Variants in IMMP2L observed in about 807,000 individuals in gnomAD.
The protein encoded by IMMP2L is inner mitochondrial membrane peptidase subunit 2.
Under a neutral mutation model 19.3 loss-of-function variants are expected in IMMP2L, and 18 were observed. The ratio of observed to expected loss-of-function variants is 0.93; its 90% CI spans 0.64 to 1.38. The LOEUF is 1.38. Ranked by LOEUF, IMMP2L falls within the 40% of genes most tolerant of loss-of-function variation. The probability of loss-of-function intolerance (pLI) is 0.00; values close to 1 mark genes in which losing one functional copy is unlikely to be tolerated. For missense variants in IMMP2L, 233 were observed against 218.2 expected (o/e 1.07, Z -0.43); for synonymous variants, 76 against 73.0 (o/e 1.04, Z -0.21).
intron 3 of IMMP2L, among the ~76,000 whole-genome samples, chr7:110,982,834 T>C (rs1485695354): frequency 6.6e-6 from 1 of 152,146 alleles, no homozygotes; most frequent in Non-Finnish European, 1.5e-5. Context: ...AGTGTGGAAA[T>C]GGTAGCTTGT....
intron 5 of IMMP2L, among the ~76,000 whole-genome samples, chr7:110,672,227 C>G (rs550825958): frequency 1.3e-5 from 2 of 152,068 alleles, no homozygotes; most frequent in East Asian, 3.9e-4. Flanking sequence ...AGCAGAAGTG[C>G]TGAGCAAAAG....
chr7:111,363,827 C>T (rs546208174), intron 3 of IMMP2L, among the ~76,000 whole-genome samples: 1 of 152,242 alleles, frequency 6.6e-6, no homozygotes, highest in South Asian at 2.1e-4. Context: ...CCATTTTCTC[C>T]TGTACTTACT....
chr7:111,068,308 T>C (rs1164590265), intron 3 of IMMP2L, among the ~76,000 whole-genome samples: 2 of 152,180 alleles, frequency 1.3e-5, no homozygotes, highest in African/African-American at 4.8e-5. Flanking sequence ...TTGTGAGAAA[T>C]AAATATTTCA....
intron 3 of IMMP2L, among the ~76,000 whole-genome samples, chr7:111,049,735 G>A (rs1394074231): frequency 1.3e-5 from 2 of 152,132 alleles, no homozygotes; most frequent in African/African-American, 4.8e-5. Flanking sequence ...AAATTCCAAA[G>A]CAAAGGCAAA....
intron 3 of IMMP2L, among the ~76,000 whole-genome samples, chr7:111,017,028 C>T (rs1481053636): frequency 7.4e-6 from 1 of 135,074 alleles, no homozygotes; most frequent in East Asian, 2.1e-4. Flanking sequence ...TCATTATACT[C>T]AACAGAACTT....
chr7:111,031,407 T>TGTGTGTGTGTGTGTGTGTGA (rs147571783), intron 3 of IMMP2L, among the ~76,000 whole-genome samples: 7 of 147,210 alleles, frequency 4.8e-5, no homozygotes, highest in Admixed American at 2.0e-4. Context: ...TGTGTGTGTG[T>TGTGTGTGTGTGTGTGTGTGA]GAGAGAAAGA....
At chr7:110,770,689 T>C (rs1254163366) in intron 5 of IMMP2L, among the ~76,000 whole-genome samples, 1 of 152,154 alleles carries the variant, frequency 6.6e-6, no homozygotes, top group Non-Finnish European at 1.5e-5. Context: ...TGTGTTCTTA[T>C]TTGGGCAACT....
At chr7:111,040,906 T>C (rs1791833137) in intron 3 of IMMP2L, among the ~76,000 whole-genome samples, 1 of 151,894 alleles carries the variant, frequency 6.6e-6, no homozygotes, top group South Asian at 2.1e-4. Flanking sequence ...ACATCACTTA[T>C]AAATTTATAA....
chr7:111,273,712 G>T (rs1393797917), intron 3 of IMMP2L, among the ~76,000 whole-genome samples: 1 of 152,032 alleles, frequency 6.6e-6, no homozygotes, highest in Admixed American at 6.6e-5. Flanking sequence ...AGAGGTTACG[G>T]TTAGGAACAT....
chr7:110,818,737 T>C (rs1376614743), intron 5 of IMMP2L, among the ~76,000 whole-genome samples: 1 of 151,774 alleles, frequency 6.6e-6, no homozygotes, highest in Admixed American at 6.6e-5. Context: ...TAGACTGGAT[T>C]AAGAAAATGT....
chr7:110,950,864 A>ATATATATG (rs1817751292), intron 4 of IMMP2L, among the ~76,000 whole-genome samples: 1 of 143,420 alleles, frequency 7.0e-6, no homozygotes, highest in Non-Finnish European at 1.5e-5. Context: ...ATATATATAT[A>ATATATATG]TATATATGTA....
At chr7:110,810,100 T>G (rs1349998870) in intron 5 of IMMP2L, among the ~76,000 whole-genome samples, 1 of 152,062 alleles carries the variant, frequency 6.6e-6, no homozygotes. Flanking sequence ...TCCATCTCGT[T>G]CCCAACTCTC....
At chr7:111,203,339 T>C (rs1810352695) in intron 3 of IMMP2L, among the ~76,000 whole-genome samples, 1 of 151,958 alleles carries the variant, frequency 6.6e-6, no homozygotes, top group African/African-American at 2.4e-5. Context: ...GGAGTTTTTA[T>C]TCTAATGAAG....
intron 2 of IMMP2L, among the ~76,000 whole-genome samples, chr7:111,505,788 G>T (rs1227149902): frequency 1.3e-5 from 2 of 152,016 alleles, no homozygotes; most frequent in Non-Finnish European, 2.9e-5. Flanking sequence ...CATGGACACA[G>T]GAAGGGGAAC....
At chr7:111,074,220 G>T (rs1795194874) in intron 3 of IMMP2L, among the ~76,000 whole-genome samples, 1 of 152,118 alleles carries the variant, frequency 6.6e-6, no homozygotes, top group African/African-American at 2.4e-5. Flanking sequence ...TGAAGTCAGA[G>T]CAAAAATAAG....
chr7:110,821,711 G>A (rs559419280), intron 5 of IMMP2L, among the ~76,000 whole-genome samples: 1 of 151,828 alleles, frequency 6.6e-6, no homozygotes, highest in Non-Finnish European at 1.5e-5. Context: ...AGGAGATCGA[G>A]AACATCCTGG....
chr7:110,918,890 A>G lies in IMMP2L; in HGVS notation c.306-32195T>C, dbSNP rs114403724. Among the ~76,000 whole-genome samples, 784 of 152,326 alleles carry G rather than the reference A, an allele frequency of 5.1e-3. 10 individuals are homozygous for G. Among genetic ancestry groups the G allele is most frequent in the African/African-American group, 0.018 (756 of 41,578 alleles). ...AATAGTGACTCAGTTTTTCATTTTTATCAATTAGCATTTTATCAAATCTTC... is the reference window on the plus strand; with the variant it reads ...AATAGTGACTCAGTTTTTCATTTTTGTCAATTAGCATTTTATCAAATCTTC... On this transcript the variant is annotated intron_variant, in intron 4 of 5. Transcript: ENST00000405709.
chr7:110,845,408 A>G (rs910044930), intron 5 of IMMP2L, among the ~76,000 whole-genome samples: 9 of 152,170 alleles, frequency 5.9e-5, no homozygotes, highest in Non-Finnish European at 8.8e-5. Context: ...AAAAGCTCCC[A>G]GCTGAGTCCT....
At chr7:110,687,376 C>G (rs1584503327) in intron 5 of IMMP2L, among the ~76,000 whole-genome samples, 1 of 152,058 alleles carries the variant, frequency 6.6e-6, no homozygotes, top group Non-Finnish European at 1.5e-5. Context: ...CTATAAGGGC[C>G]TCAAATGCAG....
Sources: gnomAD v4.1 joint callset for allele counts (sites outside exome capture counted in the v4.1 genomes callset) on GRCh38, gnomAD v4.1.1 for gene constraint, MANE v1.5 for transcripts, NCBI Gene and HGNC (gene_info 2026-07-23, HGNC 2026-07-21) for gene names.